Variants in GABRG3 observed in about 807,000 individuals in gnomAD.
The protein encoded by GABRG3 is gamma-aminobutyric acid type A receptor subunit gamma3, also known as gamma-aminobutyric acid receptor subunit gamma-3.
GABRG3 carries 25 observed loss-of-function variants against 48.8 expected under a neutral mutation model. That is an observed-to-expected ratio of 0.51 (90% confidence interval 0.37 to 0.72). The LOEUF (loss-of-function observed/expected upper bound fraction) is 0.72. Ranked by LOEUF, GABRG3 falls within the 30% of genes least tolerant of loss-of-function variation. The probability of loss-of-function intolerance (pLI) is 0.00; values close to 1 mark genes in which losing one functional copy is unlikely to be tolerated. For synonymous variants in GABRG3, 227 were observed against 217.6 expected (o/e 1.04, Z -0.38); for missense variants, 394 against 577.9 (o/e 0.68, Z 3.26).
chr15:27,068,897 TGA>T (rs1896781475), intron 3 of GABRG3, among the ~76,000 whole-genome samples: 1 of 152,224 alleles, frequency 6.6e-6, no homozygotes, highest in Non-Finnish European at 1.5e-5. Context: ...CTGAACCTTC[TGA>T]GAGAGATGAT....
Position 27,244,926 on chromosome 15 carries a change from G to A in GABRG3, c.271-81883G>A, listed in dbSNP as rs144936902. 4.9e-3 allele frequency among the ~76,000 whole-genome samples: 750 copies of A among 152,218 alleles called. 5 individuals carry two copies. The highest frequency in any genetic ancestry group is 0.017 in the African/African-American group (717 of 41,520). ...AAAATTTAGCAACAGTGTGTATGGG[G>A]TGGTCATGGCTGGTGTAGGTTTTTA... On this transcript the variant is annotated intron_variant, in intron 3 of 9. Transcript: ENST00000615808.
chr15:27,011,843 G>A (rs1345283036), intron 2 of GABRG3, among the ~76,000 whole-genome samples: 5 of 107,936 alleles, frequency 4.6e-5, no homozygotes, highest in East Asian at 2.1e-4. Flanking sequence ...GCAAGACTCC[G>A]TCTCAAAAAA....
rs935930422 is a variant in GABRG3 at position 27,236,416 on chromosome 15, C to T, written c.271-90393C>T. Among the ~76,000 whole-genome samples, 9 of 152,176 alleles carry T rather than the reference C, an allele frequency of 5.9e-5. No homozygotes were observed. Among genetic ancestry groups the T allele is most frequent in the East Asian group, 3.9e-4 (2 of 5,190 alleles). ...AGAGAAACCTTAGAAACTGAGTTCC[C>T]GGCCATGACAGGACAGGAGGTAGGA... is the stretch of plus-strand genomic sequence containing the variant. On this transcript the variant is annotated intron_variant, in intron 3 of 9. Coordinates refer to ENST00000615808, the MANE Select transcript of GABRG3 (RefSeq NM_033223.5). This position sits in a 1 kb window ranked among gnomAD's most constrained non-coding sequence, Gnocchi z 4.4.
chr15:27,209,884 G>A (rs150343052), intron 3 of GABRG3, among the ~76,000 whole-genome samples: 1 of 152,304 alleles, frequency 6.6e-6, no homozygotes, highest in East Asian at 1.9e-4. Flanking sequence ...CCTTCCTGCT[G>A]TGTCCTCACA....
Position 27,208,483 on chromosome 15 carries a change from A to G in GABRG3, c.271-118326A>G, listed in dbSNP as rs1408937944. On this transcript the variant is annotated intron_variant, in intron 3 of 9. Transcript: ENST00000615808. Reference sequence around the variant, plus strand: ...GGGCATGAATACTGCCTAGTTTCTGAAGCTTGGGGATATCCTGATCCACAG... The same window carrying G: ...GGGCATGAATACTGCCTAGTTTCTGGAGCTTGGGGATATCCTGATCCACAG... 3 of 175,664 alleles carry G rather than the reference A, an allele frequency of 1.7e-5. No individual in the cohort carries two copies. The East Asian group carries it at 4.7e-4, about 27-fold the overall frequency. 10.9% of individuals were successfully genotyped at this position (175,664 alleles called of 1,614,324 possible).
intron 3 of GABRG3, among the ~76,000 whole-genome samples, chr15:27,125,801 T>C (rs1450490202): frequency 6.6e-6 from 1 of 152,244 alleles, no homozygotes; most frequent in Non-Finnish European, 1.5e-5. Flanking sequence ...AACTGGCCGC[T>C]GTCTGCCGCA....
intron 3 of GABRG3, among the ~76,000 whole-genome samples, chr15:27,159,752 A>G (rs1285353978): frequency 2.6e-5 from 4 of 152,148 alleles, no homozygotes; most frequent in South Asian, 2.1e-4. Flanking sequence ...CCTGCTTACA[A>G]TGTTACAGTC....
chr15:27,524,081 G>A (rs1038910457), intron 7 of GABRG3, among the ~76,000 whole-genome samples: 1 of 152,028 alleles, frequency 6.6e-6, no homozygotes, highest in African/African-American at 2.4e-5. Context: ...GTTAGGTAAA[G>A]ACACATCATA....
At chr15:27,526,710 C>A (rs1366379758) in intron 7 of GABRG3, among the ~76,000 whole-genome samples, 2 of 152,106 alleles carry the variant, frequency 1.3e-5, no homozygotes, top group Non-Finnish European at 2.9e-5. Flanking sequence ...TTGACCCATG[C>A]ATATAAAATA....
rs150144586 is a variant in GABRG3, at chr15:27,112,708, G to A, written c.270+85887G>A. On this transcript the variant is annotated intron_variant, in intron 3 of 9. Transcript: ENST00000615808. ...GCCCTCCTCGGCCTCCCAAAGTGCT[G>A]GAATTACAGGTGTGAGCCACCATGC... Among the ~76,000 whole-genome samples the A allele has an allele frequency of 2.5e-3, 385 of 152,182 alleles. 2 individuals are homozygous for A. The highest frequency in any genetic ancestry group is 9.1e-3 in the African/African-American group (377 of 41,524).
At chr15:27,431,979 T>G (rs1432239686) in intron 5 of GABRG3, among the ~76,000 whole-genome samples, 1 of 152,198 alleles carries the variant, frequency 6.6e-6, no homozygotes, top group East Asian at 1.9e-4. Context: ...TAACTTCTAA[T>G]TTCATTCCAT....
At chr15:27,511,827 G>A (rs1303923802) in intron 6 of GABRG3, among the ~76,000 whole-genome samples, 3 of 152,296 alleles carry the variant, frequency 2.0e-5, no homozygotes, top group East Asian at 1.9e-4. Context: ...ATGGCAAACC[G>A]TTCTTACTTT....
chr15:27,244,977 T>C (rs1431304065), intron 3 of GABRG3, among the ~76,000 whole-genome samples: 1 of 152,218 alleles, frequency 6.6e-6, no homozygotes, highest in Admixed American at 6.5e-5. Flanking sequence ...TCCTTGCTCC[T>C]GAAGAAGTGA....
intron 5 of GABRG3, among the ~76,000 whole-genome samples, chr15:27,473,991 C>T (rs1889860663): frequency 6.6e-6 from 1 of 152,156 alleles, no homozygotes; most frequent in South Asian, 2.1e-4. Context: ...AGGCTTTACA[C>T]AGAGGCCCTG....
intron 2 of GABRG3, among the ~76,000 whole-genome samples, chr15:26,986,545 C>G (rs1445947398): frequency 1.3e-5 from 2 of 152,136 alleles, no homozygotes; most frequent in African/African-American, 4.8e-5. Flanking sequence ...ACCATGCCAC[C>G]CCTATCGAGG....
At chr15:27,016,240 C>CTTTTTTTTTTTTT (rs34202673) in intron 2 of GABRG3, among the ~76,000 whole-genome samples, 2 of 140,714 alleles carry the variant, frequency 1.4e-5, no homozygotes, top group Non-Finnish European at 1.5e-5. Context: ...TTCTTTCTTT[C>CTTTTTTTTTTTTT]TTTTTTTTTT....
chr15:27,345,238 T>C (rs1007236931), intron 5 of GABRG3, among the ~76,000 whole-genome samples: 1 of 152,210 alleles, frequency 6.6e-6, no homozygotes, highest in Admixed American at 6.5e-5. Flanking sequence ...CTACCATGTT[T>C]TCTGTTGCTT....
rs1315935847 is a variant in GABRG3 at position 27,123,718 on chromosome 15, C to T, written c.270+96897C>T. The stretch of plus-strand genomic sequence containing the variant: ...CACAGTGGGAGTGATAAAAATGACT[C>T]CCATTCCAGCCCCTGCTCTCAAACG... On this transcript the variant is annotated intron_variant, in intron 3 of 9. Transcript: ENST00000615808. 2.0e-5 allele frequency among the ~76,000 whole-genome samples: 3 copies of T among 152,260 alleles called. No homozygotes were observed. In the South Asian group the frequency reaches 6.2e-4, roughly 32 times the overall value.
intron 5 of GABRG3, among the ~76,000 whole-genome samples, chr15:27,358,197 C>T (rs1894903634): frequency 6.6e-6 from 1 of 152,148 alleles, no homozygotes; most frequent in African/African-American, 2.4e-5. Context: ...AAGTGACAGA[C>T]TCCATTCATT....
Sources: gnomAD v4.1 joint callset for allele counts (sites outside exome capture counted in the v4.1 genomes callset) on GRCh38, gnomAD v4.1.1 for gene constraint, Gnocchi (gnomAD v3.1) non-coding constraint, MANE v1.5 for transcripts, NCBI Gene and HGNC (gene_info 2026-07-23, HGNC 2026-07-21) for gene names.